CADM2: variants seen among roughly 807,000 people sequenced by gnomAD.
The protein encoded by CADM2 is cell adhesion molecule 2.
A neutral mutation model predicts 49.8 loss-of-function variants in CADM2; 12 were observed. That is an observed-to-expected ratio of 0.24 (90% CI 0.15 to 0.39). The LOEUF is 0.39. CADM2 is among the 10% of genes least tolerant of loss of function. The pLI, the probability that CADM2 is intolerant of heterozygous loss-of-function variation, is 1.00. For missense variants in CADM2, 378 were observed against 492.3 expected (o/e 0.77, Z 2.20); for synonymous variants, 214 against 175.4 (o/e 1.22, Z -1.74).
At chr3:85,923,530 A>T (rs946543730) in intron 6 of CADM2, among the ~76,000 whole-genome samples, 1 of 128,000 alleles carries the variant, frequency 7.8e-6, no homozygotes, top group Non-Finnish European at 1.6e-5. Flanking sequence ...AATTGATATC[A>T]TGAAAGCAAA....
At chr3:85,456,654 A>C (rs1294772062) in intron 1 of CADM2, among the ~76,000 whole-genome samples, 1 of 152,070 alleles carries the variant, frequency 6.6e-6, no homozygotes, top group African/African-American at 2.4e-5. Context: ...AATATAAATA[A>C]ATTTTACTTT....
intron 2 of CADM2, among the ~76,000 whole-genome samples, chr3:85,758,786 T>C (rs1047575787): frequency 6.6e-6 from 1 of 152,142 alleles, no homozygotes; most frequent in Non-Finnish European, 1.5e-5. Context: ...CTCACATTAA[T>C]GAGTCTTTTT....
intron 1 of CADM2, among the ~76,000 whole-genome samples, chr3:85,098,532 G>A (rs1471833839): frequency 1.3e-5 from 2 of 152,014 alleles, no homozygotes; most frequent in East Asian, 1.9e-4. Context: ...GATGTAAGGG[G>A]GAGATAAGTC....
intron 7 of CADM2, among the ~76,000 whole-genome samples, chr3:85,960,304 T>C (rs775406605): frequency 1.3e-5 from 2 of 151,972 alleles, no homozygotes; most frequent in Non-Finnish European, 2.9e-5. Flanking sequence ...AGTGCCTCTG[T>C]TCTAATTGTG....
At chr3:85,521,123 G>T (rs1050240735) in intron 1 of CADM2, among the ~76,000 whole-genome samples, 5 of 152,056 alleles carry the variant, frequency 3.3e-5, no homozygotes, top group Non-Finnish European at 5.9e-5. Flanking sequence ...GAACGCAATT[G>T]TTTAGAGAAA....
chr3:85,673,665 GGAA>G (rs1451241367), intron 1 of CADM2, among the ~76,000 whole-genome samples: 9 of 152,050 alleles, frequency 5.9e-5, no homozygotes, highest in African/African-American at 1.9e-4. Flanking sequence ...ACAGAAGGGA[GGAA>G]GAAGAGAAAG....
chr3:85,967,685 A>G (rs892418481), intron 8 of CADM2, among the ~76,000 whole-genome samples: 1 of 151,550 alleles, frequency 6.6e-6, no homozygotes, highest in African/African-American at 2.4e-5. Context: ...AGGCCGGAAG[A>G]TTGCCAGCCC....
chr3:85,196,805 G>A (rs1423821068), intron 1 of CADM2, among the ~76,000 whole-genome samples: 2 of 151,970 alleles, frequency 1.3e-5, no homozygotes, highest in South Asian at 4.1e-4. Context: ...TGTATCACAA[G>A]TTTTTAGGAG....
At chr3:85,224,590 A>G (rs2042112002) in intron 1 of CADM2, among the ~76,000 whole-genome samples, 1 of 152,170 alleles carries the variant, frequency 6.6e-6, no homozygotes, top group Non-Finnish European at 1.5e-5. Context: ...TGCTGTGCAG[A>G]AGCTCTTTAG....
chr3:85,408,010 CA>C (rs372349246), intron 1 of CADM2, among the ~76,000 whole-genome samples: 11,301 of 56,350 alleles, frequency 0.2, 675 homozygotes, highest in South Asian at 0.29. Context: ...AAAACAAAAC[CA>C]AAAAAAAAAA....
At chr3:85,001,812 A>T (rs1480862269) in intron 1 of CADM2, among the ~76,000 whole-genome samples, 1 of 152,076 alleles carries the variant, frequency 6.6e-6, no homozygotes, top group Non-Finnish European at 1.5e-5. Context: ...AACATAATTT[A>T]TTTTATGTAA....
At chr3:85,547,861 G>A (rs1288417852) in intron 1 of CADM2, among the ~76,000 whole-genome samples, 1 of 152,160 alleles carries the variant, frequency 6.6e-6, no homozygotes, top group Non-Finnish European at 1.5e-5. Context: ...CATCTACACA[G>A]TCGCAGAGAT....
intron 1 of CADM2, among the ~76,000 whole-genome samples, chr3:85,345,924 G>A (rs2030595650): frequency 6.6e-6 from 1 of 152,072 alleles, no homozygotes; most frequent in Non-Finnish European, 1.5e-5. Flanking sequence ...TTGTTCAGAG[G>A]CAACAATAAT....
chr3:85,648,765 G>A (rs746893974), intron 1 of CADM2, among the ~76,000 whole-genome samples: 12 of 151,958 alleles, frequency 7.9e-5, no homozygotes, highest in Non-Finnish European at 1.5e-4. Context: ...TTACAAGAGC[G>A]TTAACATCTT....
At position 85,178,345 on chromosome 3, in the gene CADM2, CAT is replaced by C. The variant is rs201715729; in HGVS notation, c.61+218678_61+218679del. Among the ~76,000 whole-genome samples the C allele has an allele frequency of 8.1e-3, 1,228 of 151,854 alleles. 19 individuals carry two copies. The highest frequency in any genetic ancestry group is 0.028 in the African/African-American group (1,169 of 41,476). On this transcript the variant is annotated intron_variant, in intron 1 of 9. Coordinates refer to ENST00000383699, the MANE Select transcript of CADM2 (RefSeq NM_001167675.2). Reference sequence around the variant, plus strand: ...ATGATATATAAAAACAGTACTTAAACATTGATATATAAAAATATTATTTGGGA... The same window carrying C: ...ATGATATATAAAAACAGTACTTAAACTGATATATAAAAATATTATTTGGGA...
intron 1 of CADM2, among the ~76,000 whole-genome samples, chr3:85,513,688 C>A: frequency 6.6e-6 from 1 of 151,658 alleles, no homozygotes. Flanking sequence ...AGTTGGATTC[C>A]AGTTAATTGA....
chr3:84,991,957 A>G (rs1419952510), intron 1 of CADM2, among the ~76,000 whole-genome samples: 1 of 152,180 alleles, frequency 6.6e-6, no homozygotes, highest in Non-Finnish European at 1.5e-5. Context: ...AAAACCATGG[A>G]GACAGTAAAA....
At chr3:85,772,937 T>TA (rs1305915212) in intron 2 of CADM2, among the ~76,000 whole-genome samples, 1 of 151,760 alleles carries the variant, frequency 6.6e-6, no homozygotes, top group Non-Finnish European at 1.5e-5. Flanking sequence ...TGATTCTAGC[T>TA]AAAAATGTGA....
intron 3 of CADM2, among the ~76,000 whole-genome samples, chr3:85,863,075 A>G (rs2075596562): frequency 6.6e-6 from 1 of 152,154 alleles, no homozygotes; most frequent in African/African-American, 2.4e-5. Flanking sequence ...TAATGGGTTG[A>G]GAAATAGGTA....
Sources: allele counts gnomAD v4.1 joint callset (sites outside exome capture counted in the v4.1 genomes callset), GRCh38; gene constraint gnomAD v4.1.1; transcripts MANE v1.5; gene names NCBI Gene and HGNC (gene_info 2026-07-23, HGNC 2026-07-21).